Variants in MYO10 observed in about 807,000 individuals in gnomAD.
MYO10 encodes the protein myosin X.
In MYO10, 133 loss-of-function variants were observed where a neutral mutation model predicts 257.3. The ratio of observed to expected loss-of-function variants is 0.52; its 90% CI spans 0.45 to 0.60. The LOEUF is 0.60. MYO10 is among the 20% of genes least tolerant of loss of function. The pLI is 0.00. For missense variants in MYO10, 2,399 were observed against 2,635.7 expected, an observed-to-expected ratio of 0.91 and a Z score of 1.97; for synonymous variants, 1,104 against 1,028.6, an observed-to-expected ratio of 1.07 and a Z score of -1.40.
intron 2 of MYO10, 88 bp from the exon 3 acceptor site, chr5:16,818,255 G>A: frequency 9.0e-7 from 1 of 1,107,258 alleles, no homozygotes; most frequent in South Asian, 2.1e-5. Context: ...TACAATCTCA[G>A]TATAATTTCA....
At chr5:16,820,007 T>A (rs1742749382) in intron 2 of MYO10, among the ~76,000 whole-genome samples, 1 of 152,168 alleles carries the variant, frequency 6.6e-6, no homozygotes, top group South Asian at 2.1e-4. Context: ...GAGGAGACAG[T>A]CCTAGTGGCC....
intron 2 of MYO10, among the ~76,000 whole-genome samples, chr5:16,847,764 A>T (rs1184382066): frequency 6.6e-6 from 1 of 152,000 alleles, no homozygotes; most frequent in Admixed American, 6.6e-5. Flanking sequence ...TGCACAACTG[A>T]AGTCTCAGCT....
At position 16,725,078 on chromosome 5, in the gene MYO10, C is replaced by CTTTTTT. The variant is rs34100971; in HGVS notation, c.1930-13839_1930-13834dup. On this transcript the variant is annotated intron_variant, in intron 19 of 40. Coordinates refer to ENST00000513610, the MANE Select transcript of MYO10 (RefSeq NM_012334.3). ...TATACAGTTCTCTCACCTTCTTCTT[C>CTTTTTT]TTTTTTTTTTTTTTTTTTTTTTTTT... 2.2e-3 allele frequency among the ~76,000 whole-genome samples: 163 copies of CTTTTTT among 74,950 alleles called. 4 individuals are homozygous for CTTTTTT. The highest frequency in any genetic ancestry group is 3.8e-3 in the South Asian group (6 of 1,590). The allele number at this position is 74,950 out of a possible 152,430, so 49.2% of individuals were successfully genotyped here.
At chr5:16,747,614 C>A (rs1740232866) in intron 19 of MYO10, among the ~76,000 whole-genome samples, 1 of 152,054 alleles carries the variant, frequency 6.6e-6, no homozygotes, top group Non-Finnish European at 1.5e-5. Context: ...TAAAGAGAAA[C>A]CAGATGCATA....
At chr5:16,785,855 G>A (rs1179060371) in intron 4 of MYO10, among the ~76,000 whole-genome samples, 6 of 151,568 alleles carry the variant, frequency 4.0e-5, no homozygotes, top group African/African-American at 1.2e-4. Flanking sequence ...GGGCAACAGA[G>A]CCAGACTCCA....
At chr5:16,857,009 A>G (rs1054861770) in intron 2 of MYO10, among the ~76,000 whole-genome samples, 1 of 152,244 alleles carries the variant, frequency 6.6e-6, no homozygotes, top group Non-Finnish European at 1.5e-5. Context: ...TGATAAGTTA[A>G]CGATTTAACT....
rs1284982981 is a variant in MYO10 at position 16,766,770 on chromosome 5, C to CA, written c.1061-573_1061-572insT. On this transcript the variant is annotated intron_variant, in intron 10 of 40. Coordinates refer to ENST00000513610, the MANE Select transcript of MYO10 (RefSeq NM_012334.3). The stretch of plus-strand genomic sequence containing the variant: ...ATGAGCCACCATGCCCACCTACTTT[C>CA]TTTTTTTTTTTTTTTTTGAGATGGA... 2.4e-5 allele frequency among the ~76,000 whole-genome samples: 3 copies of CA among 127,396 alleles called. No individual in the cohort carries two copies. In the East Asian group the frequency reaches 6.8e-4, roughly 29 times the overall value. 83.6% of individuals were successfully genotyped at this position (127,396 alleles called of 152,430 possible).
chr5:16,790,708 TG>T (rs1741724757), intron 4 of MYO10, among the ~76,000 whole-genome samples: 4 of 152,256 alleles, frequency 2.6e-5, no homozygotes, highest in Middle Eastern at 6.8e-3. Flanking sequence ...CTCTTTCTTT[TG>T]TAAATTGCCC....
rs138055212 is a variant in MYO10 at position 16,836,565 on chromosome 5, A to T, written c.121-18398T>A. Reference sequence around the variant, plus strand: ...ATGACGGACATGCACCAAGGGGTATACAGCCCCCACCTTGCGGATATCTGA... The same window carrying T: ...ATGACGGACATGCACCAAGGGGTATTCAGCCCCCACCTTGCGGATATCTGA... On this transcript the variant is annotated intron_variant, in intron 2 of 40. Transcript: ENST00000513610. 6.1e-3 allele frequency among the ~76,000 whole-genome samples: 923 copies of T among 152,330 alleles called. 13 individuals are homozygous for T. The highest frequency in any genetic ancestry group is 0.021 in the African/African-American group (857 of 41,584).
Position 16,676,146 on chromosome 5 carries a change from G to A in MYO10, c.4551C>T (p.Cys1517=), listed in dbSNP as rs1482709275. 6.2e-7 allele frequency: 1 copy of A among 1,612,144 alleles called. No individual in the cohort carries two copies. The highest frequency in any genetic ancestry group is 2.2e-5 in the East Asian group (1 of 44,786). ...QQLIQDIKEN[C]LNSDVVEQIY... ...TCTGTTCCACCACATCCGAGTTCAG[G>A]CAGTTCTCCTAAAAATAAAGCAAGC... Residue 1517 remains cysteine (C), a synonymous_variant, in exon 34 of 41, where the codon TGC becomes TGT. Coordinates refer to ENST00000513610, the MANE Select transcript of MYO10 (RefSeq NM_012334.3).
chr5:16,701,621 T>TGGTCCCGCC lies in MYO10; in HGVS notation c.2765_2773dup (p.Arg922_Asp924dup). 1.2e-6 allele frequency: 2 copies of TGGTCCCGCC among 1,610,962 alleles called. No individual in the cohort carries two copies. The highest frequency in any genetic ancestry group is 1.7e-6 in the Non-Finnish European group (2 of 1,178,350). ...TTCCTCCTCCAGCCTGCGGAGCTCCTGGTCCCGCCGCTCCTGCAGCTTCTG... is the reference window on the plus strand; with the variant it reads ...TTCCTCCTCCAGCCTGCGGAGCTCCTGGTCCCGCCGGTCCCGCCGCTCCTGCAGCTTCTG... On this transcript the variant is annotated inframe_insertion, in exon 25 of 41. Transcript: ENST00000513610. This position sits in a 1 kb window ranked among gnomAD's most constrained non-coding sequence, Gnocchi z 8.1.
intron 19 of MYO10, among the ~76,000 whole-genome samples, chr5:16,712,412 G>A (rs1738660185): frequency 6.6e-6 from 1 of 152,196 alleles, no homozygotes; most frequent in Admixed American, 6.5e-5. Context: ...TAGGAACTCT[G>A]GGGACAGTGG....
intron 2 of MYO10, among the ~76,000 whole-genome samples, chr5:16,854,918 A>G (rs563071050): frequency 2.0e-5 from 3 of 152,126 alleles, no homozygotes; most frequent in East Asian, 1.9e-4. Flanking sequence ...CTGTAATCTC[A>G]GCTACTCGGG....
intron 1 of MYO10, among the ~76,000 whole-genome samples, chr5:16,885,974 TCAAA>T (rs1481565577): frequency 6.6e-6 from 1 of 152,148 alleles, no homozygotes. Flanking sequence ...CATAGAGTAC[TCAAA>T]CAGAGTAGGG....
rs1488366052 is a variant in MYO10, at chr5:16,664,265, A to G, written c.*2427T>C. ...CTATGGTGCTGCTCTAACCCCCCCA[A>G]TCTGAGTCATGCCTTTCCTTGCCTA... On this transcript the variant is annotated 3_prime_UTR_variant, in exon 41 of 41. Transcript: ENST00000513610. 6.6e-6 allele frequency: 1 copy of G among 152,138 alleles called. No homozygotes were observed. The highest frequency in any genetic ancestry group is 2.4e-5 in the African/African-American group (1 of 41,438). 9.4% of individuals were successfully genotyped at this position (152,138 alleles called of 1,614,324 possible).
At chr5:16,702,877 A>T in intron 23 of MYO10, 48 bp downstream of exon 23, 1 of 1,485,596 alleles carries the variant, frequency 6.7e-7, no homozygotes, top group Non-Finnish European at 9.2e-7. Flanking sequence ...CGAGCACAGC[A>T]CTCAAAATGT....
chr5:16,866,258 G>A (rs935095296), intron 2 of MYO10, among the ~76,000 whole-genome samples: 6 of 152,148 alleles, frequency 3.9e-5, no homozygotes, highest in Admixed American at 1.3e-4. Context: ...CGGCACCAGC[G>A]TTAAAGCTGG....
At chr5:16,768,640 A>G (rs1205941016) in intron 10 of MYO10, among the ~76,000 whole-genome samples, 1 of 148,124 alleles carries the variant, frequency 6.8e-6, no homozygotes, top group East Asian at 2.0e-4. Context: ...TCTCTATTCA[A>G]GGAGTCAGAA....
intron 2 of MYO10, among the ~76,000 whole-genome samples, chr5:16,871,776 G>A (rs996168444): frequency 3.9e-5 from 6 of 152,158 alleles, no homozygotes; most frequent in Non-Finnish European, 5.9e-5. Context: ...AAACAAACTA[G>A]AGTCTTTGGG....
Sources: allele counts gnomAD v4.1 joint callset (sites outside exome capture counted in the v4.1 genomes callset), GRCh38; gene constraint gnomAD v4.1.1; non-coding constraint Gnocchi (gnomAD v3.1); transcripts MANE v1.5; gene names NCBI Gene and HGNC (gene_info 2026-07-23, HGNC 2026-07-21).